Variants in RBFOX1 observed in about 807,000 individuals in gnomAD.
RBFOX1 encodes RNA binding fox-1 homolog 1, also known as RNA binding protein fox-1 homolog 1.
Under a neutral mutation model 57.7 loss-of-function variants are expected in RBFOX1, and 8 were observed. That is an observed-to-expected ratio of 0.14 (90% CI 0.08 to 0.25). The LOEUF (loss-of-function observed/expected upper bound fraction) is 0.25. Among genes scored for constraint, RBFOX1 ranks in the 10% least tolerant of loss-of-function variants. RBFOX1 has a pLI of 1.00. For missense variants in RBFOX1, 611 were observed against 548.5 expected (o/e 1.11, Z -1.14); for synonymous variants, 326 against 222.4 (o/e 1.47, Z -4.15).
intron 1 of RBFOX1, among the ~76,000 whole-genome samples, chr16:6,102,061 T>A (rs1015752316): frequency 6.6e-6 from 1 of 152,076 alleles, no homozygotes; most frequent in Non-Finnish European, 1.5e-5. Context: ...CTGCATTTTG[T>A]TTCCTATGTG....
intron 1 of RBFOX1, among the ~76,000 whole-genome samples, chr16:5,447,413 C>CT (rs2068281455): frequency 6.0e-5 from 5 of 83,324 alleles, no homozygotes; most frequent in Admixed American, 5.6e-4. Context: ...TCTCTCTCGA[C>CT]GCAGTCTTGC....
chr16:5,948,595 G>C (rs770683837), intron 4 of RBFOX1, among the ~76,000 whole-genome samples: 2 of 152,206 alleles, frequency 1.3e-5, no homozygotes, highest in Non-Finnish European at 2.9e-5. Context: ...CTACAGGGAA[G>C]GCCGTGCGAT....
intron 4 of RBFOX1, among the ~76,000 whole-genome samples, chr16:7,408,720 AT>A (rs1387550441): frequency 1.3e-5 from 2 of 152,156 alleles, no homozygotes; most frequent in Non-Finnish European, 2.9e-5. Flanking sequence ...CATCCCATGC[AT>A]TGTAGGATAT....
chr16:7,281,222 C>T (rs1010669550), intron 4 of RBFOX1, among the ~76,000 whole-genome samples: 3 of 151,870 alleles, frequency 2.0e-5, no homozygotes, highest in African/African-American at 7.3e-5. Context: ...AAGCTGGTCT[C>T]AGACTCCTGA....
chr16:5,453,651 T>G (rs1156571012), intron 1 of RBFOX1, among the ~76,000 whole-genome samples: 1 of 152,154 alleles, frequency 6.6e-6, no homozygotes, highest in Non-Finnish European at 1.5e-5. Context: ...TAGCATCCCA[T>G]TATGAGTAAT....
chr16:7,663,486 G>C (rs549848179), intron 12 of RBFOX1, among the ~76,000 whole-genome samples: 1 of 149,316 alleles, frequency 6.7e-6, no homozygotes, highest in Non-Finnish European at 1.5e-5. Flanking sequence ...TCACAGCTGC[G>C]TGTGTGTGTC....
intron 1 of RBFOX1, among the ~76,000 whole-genome samples, chr16:5,287,266 T>C (rs2063418392): frequency 2.0e-5 from 3 of 152,134 alleles, no homozygotes; most frequent in Admixed American, 2.0e-4. Context: ...ACTGTTCCAC[T>C]TGTACTCTAC....
chr16:5,330,901 T>G (rs2064736683), intron 1 of RBFOX1, among the ~76,000 whole-genome samples: 1 of 152,156 alleles, frequency 6.6e-6, no homozygotes, highest in African/African-American at 2.4e-5. Flanking sequence ...CAGGTTTTTT[T>G]GTTTGTTTGT....
intron 4 of RBFOX1, among the ~76,000 whole-genome samples, chr16:7,175,246 G>A (rs2081423823): frequency 6.6e-6 from 1 of 151,758 alleles, no homozygotes; most frequent in Non-Finnish European, 1.5e-5. Context: ...TCCTCTCCCT[G>A]TGCCCATGTA....
intron 3 of RBFOX1, among the ~76,000 whole-genome samples, chr16:6,990,494 C>T (rs2091246456): frequency 6.6e-6 from 1 of 151,910 alleles, no homozygotes; most frequent in Non-Finnish European, 1.5e-5. Flanking sequence ...CACTGCATTC[C>T]CACCTGGGCA....
intron 3 of RBFOX1, among the ~76,000 whole-genome samples, chr16:7,025,336 C>T (rs962472436): frequency 2.0e-5 from 3 of 152,144 alleles, no homozygotes; most frequent in African/African-American, 7.2e-5. Context: ...TCAGGGCCAT[C>T]TGGGTTTTGA....
chr16:5,655,671 G>A (rs1955964305), intron 3 of RBFOX1, among the ~76,000 whole-genome samples: 1 of 152,204 alleles, frequency 6.6e-6, no homozygotes, highest in African/African-American at 2.4e-5. Flanking sequence ...TGAAATGGGA[G>A]TGCATTTGTA....
intron 3 of RBFOX1, among the ~76,000 whole-genome samples, chr16:5,648,699 C>A (rs1045765223): frequency 6.6e-6 from 1 of 152,102 alleles, no homozygotes; most frequent in Non-Finnish European, 1.5e-5. Context: ...GTGGGCAGGA[C>A]TGGAAGTTAT....
intron 4 of RBFOX1, among the ~76,000 whole-genome samples, chr16:7,298,384 G>A (rs766292030): frequency 6.6e-6 from 1 of 151,242 alleles, no homozygotes; most frequent in Non-Finnish European, 1.5e-5. Context: ...CGCCTCCTGG[G>A]TTCAAGTGAT....
intron 4 of RBFOX1, among the ~76,000 whole-genome samples, chr16:7,485,285 T>A (rs1355665364): frequency 1.3e-5 from 2 of 152,230 alleles, no homozygotes; most frequent in Non-Finnish European, 2.9e-5. Flanking sequence ...CCCTCATGTT[T>A]CCAGGCAGAC....
intron 3 of RBFOX1, among the ~76,000 whole-genome samples, chr16:7,013,214 C>A (rs1259159252): frequency 6.6e-6 from 1 of 152,158 alleles, no homozygotes; most frequent in African/African-American, 2.4e-5. Flanking sequence ...ATTTAGTTCT[C>A]TAAGCATCCT....
Position 7,710,900 on chromosome 16 carries a change from C to A in RBFOX1, c.*155C>A. The A allele has an allele frequency of 3.7e-6, 3 of 809,618 alleles. No homozygotes were observed. Among genetic ancestry groups the A allele is most frequent in the Non-Finnish European group, 5.1e-6 (3 of 586,322 alleles). The allele number at this position is 809,618 out of a possible 1,614,324, so 50.2% of individuals were successfully genotyped here. On this transcript the variant is annotated 3_prime_UTR_variant, in exon 16 of 16. Coordinates refer to ENST00000550418, the MANE Select transcript of RBFOX1 (RefSeq NM_018723.4). ...AAAAAATTACATTTTTTATCTTATACCTCAGATATTTTGTTCTGTGTATTT... is the reference window on the plus strand; with the variant it reads ...AAAAAATTACATTTTTTATCTTATAACTCAGATATTTTGTTCTGTGTATTT...
intron 3 of RBFOX1, among the ~76,000 whole-genome samples, chr16:6,883,843 T>C (rs564103738): frequency 6.6e-6 from 1 of 152,122 alleles, no homozygotes; most frequent in South Asian, 2.1e-4. Context: ...CCCCTAGGAA[T>C]TAATGTCCTT....
rs1379074714 is a variant in RBFOX1, at chr16:7,676,957, A to G, written c.995+119A>G. The G allele has an allele frequency of 4.1e-6, 4 of 984,592 alleles. No homozygotes were observed. In the South Asian group the frequency reaches 5.6e-5, roughly 14 times the overall value. 61.0% of individuals were successfully genotyped at this position (984,592 alleles called of 1,614,324 possible). The stretch of plus-strand genomic sequence containing the variant: ...GACTGCTGGGGGAGGTAGCACCCCA[A>G]AAGTTAGGTCCCATGGTGAACGTGA... On this transcript the variant is annotated intron_variant, in intron 14 of 15. Transcript: ENST00000550418.
Sources: gnomAD v4.1 joint callset for allele counts (sites outside exome capture counted in the v4.1 genomes callset) on GRCh38, gnomAD v4.1.1 for gene constraint, MANE v1.5 for transcripts, NCBI Gene and HGNC (gene_info 2026-07-23, HGNC 2026-07-21) for gene names.